Variants in VIRMA observed in about 807,000 individuals in gnomAD.
VIRMA encodes protein virilizer homolog.
Under a neutral mutation model 182.4 loss-of-function variants are expected in VIRMA, and 65 were observed. The ratio of observed to expected loss-of-function variants is 0.36; its 90% CI spans 0.29 to 0.44. The LOEUF (loss-of-function observed/expected upper bound fraction) is 0.44. Among genes scored for constraint, VIRMA ranks in the 20% least tolerant of loss-of-function variants. The pLI, the probability that VIRMA is intolerant of heterozygous loss-of-function variation, is 1.00. For synonymous variants in VIRMA, 709 were observed against 743.1 expected (o/e 0.95, Z 0.75); for missense variants, 1,752 against 2,158.1 (o/e 0.81, Z 3.73).
At chr8:94,538,854 T>C (rs1430397993) in intron 2 of VIRMA, among the ~76,000 whole-genome samples, 2 of 152,100 alleles carry the variant, frequency 1.3e-5, no homozygotes, top group African/African-American at 2.4e-5. Context: ...CCTCAGGAGA[T>C]TCACCCGTCT....
chr8:94,550,462 G>A (rs1815942857), intron 1 of VIRMA, among the ~76,000 whole-genome samples: 1 of 151,696 alleles, frequency 6.6e-6, no homozygotes, highest in African/African-American at 2.4e-5. Context: ...TCGGCTATTT[G>A]TTTGTATTTT....
rs1814616628 is a variant in VIRMA, at chr8:94,517,880, A to G, written c.2576T>C (p.Val859Ala). ...CATTTGAACATCACTGGAAGACTGAACCACCACCAAAATAAGTATGCATGC... is the reference window on the plus strand; with the variant it reads ...CATTTGAACATCACTGGAAGACTGAGCCACCACCAAAATAAGTATGCATGC... ...NYACILILVV[V>A]QSSSDVQMLE... The change falls in exon 10 of 24, where the codon GTT becomes GCT. Residue 859 changes from valine to alanine, a missense_variant. Val to Ala is a moderately conservative substitution (Grantham distance 64). Around this residue, in one of 11 missense-constraint regions of VIRMA, gnomAD observed 777 missense variants for 920.6 expected, o/e 0.84. Transcript: ENST00000297591. 2 of 1,612,258 alleles carry G rather than the reference A, an allele frequency of 1.2e-6. No individual in the cohort carries two copies. Among genetic ancestry groups the G allele is most frequent in the Non-Finnish European group, 1.7e-6 (2 of 1,178,450 alleles).
In VIRMA at chr8:94,538,485, A is replaced by G. The variant is rs915822632; in HGVS notation, c.180-139T>C. 19 of 582,386 alleles carry G rather than the reference A, an allele frequency of 3.3e-5. No homozygotes were observed. The African/African-American group carries it at 3.4e-4, about 10-fold the overall frequency. 36.1% of individuals were successfully genotyped at this position (582,386 alleles called of 1,614,324 possible). A position where few individuals can be genotyped will look rare whatever the true frequency, so the allele number is the denominator to read the frequency against. ...TTCCTAAGATTTAAATAACAAAAAT[A>G]TAGTTAACTATGATATTGTATGTAA... is the stretch of plus-strand genomic sequence containing the variant. On this transcript the variant is annotated intron_variant, in intron 2 of 23. Coordinates refer to ENST00000297591, the MANE Select transcript of VIRMA (RefSeq NM_015496.5).
At chr8:94,509,660 A>G in intron 15 of VIRMA, 28 bp downstream of exon 15, 1 of 1,590,638 alleles carries the variant, frequency 6.3e-7, no homozygotes, top group South Asian at 1.2e-5. Flanking sequence ...ACATGCAGAG[A>G]GAGACTTTAT....
intron 17 of VIRMA, chr8:94,497,828 T>C (rs3133638): frequency 0.12 from 18,297 of 152,682 alleles, 1,595 homozygotes; most frequent in African/African-American, 0.24. Context: ...CTGGGCAACA[T>C]GGCAAAATCC....
At chr8:94,500,250 T>A (rs1357966526) in intron 16 of VIRMA, among the ~76,000 whole-genome samples, 1 of 151,596 alleles carries the variant, frequency 6.6e-6, no homozygotes, top group Non-Finnish European at 1.5e-5. Flanking sequence ...ATATAAAAAA[T>A]TTGCCAGGCG....
intron 1 of VIRMA, chr8:94,546,682 C>T: frequency 3.2e-6 from 1 of 308,632 alleles, no homozygotes; most frequent in Non-Finnish European, 6.4e-6. Flanking sequence ...TGCACTGTAC[C>T]CAATATGTAG....
intron 1 of VIRMA, among the ~76,000 whole-genome samples, 177 bp from the exon 2 acceptor site, chr8:94,544,119 T>C (rs928889794): frequency 1.3e-5 from 2 of 152,208 alleles, no homozygotes; most frequent in African/African-American, 4.8e-5. Flanking sequence ...TGTACTTACT[T>C]AAGTTTCTCA....
At chr8:94,504,798 G>A (rs1814100519) in intron 16 of VIRMA, among the ~76,000 whole-genome samples, 1 of 152,152 alleles carries the variant, frequency 6.6e-6, no homozygotes, top group Non-Finnish European at 1.5e-5. Flanking sequence ...AGATAGTCAA[G>A]TAGAAATGTC....
At chr8:94,524,258 CAA>C (rs879412778) in intron 8 of VIRMA, among the ~76,000 whole-genome samples, 6 of 151,968 alleles carry the variant, frequency 3.9e-5, no homozygotes, top group Non-Finnish European at 8.8e-5. Context: ...CTTGGCGTCC[CAA>C]AGTGCTGGGA....
intron 17 of VIRMA, chr8:94,498,475 T>A (rs1813864241): frequency 6.6e-6 from 1 of 152,198 alleles, no homozygotes; most frequent in Non-Finnish European, 1.5e-5. Context: ...CTCAATGTCA[T>A]AAATTTTTTT....
rs1813647200 is a variant in VIRMA at position 94,492,796 on chromosome 8, A to C, written c.4664T>G (p.Leu1555Arg). Residue 1555 changes from leucine (L) to arginine (R), a missense_variant, in exon 21 of 24, where the codon CTC becomes CGC. Around this residue, in one of 11 missense-constraint regions of VIRMA, gnomAD observed 777 missense variants for 920.6 expected, o/e 0.84. Transcript: ENST00000297591. ...AAAGTCACTACAGCATTTTTCAGAGAGTTCAATTAAGTCAACCTTTACCTG... is the reference window on the plus strand; with the variant it reads ...AAAGTCACTACAGCATTTTTCAGAGCGTTCAATTAAGTCAACCTTTACCTG... ...LDLVKVDLIE[L>R]SEKCCSDFDL... The C allele has an allele frequency of 6.2e-7, 1 of 1,613,282 alleles. No individual in the cohort carries two copies. The highest frequency in any genetic ancestry group is 8.5e-7 in the Non-Finnish European group (1 of 1,179,578).
At chr8:94,541,384 G>A (rs3102869) in intron 2 of VIRMA, among the ~76,000 whole-genome samples, 18,239 of 151,858 alleles carry the variant, frequency 0.12, 1,597 homozygotes, top group African/African-American at 0.24. Flanking sequence ...AGAGGCCTGA[G>A]CCACCACACC....
At chr8:94,518,489 T>C (rs1361471288) in intron 9 of VIRMA, among the ~76,000 whole-genome samples, 2 of 152,216 alleles carry the variant, frequency 1.3e-5, no homozygotes, top group Non-Finnish European at 2.9e-5. Flanking sequence ...TTGTGTGACA[T>C]GAACCAGAAA....
At chr8:94,489,148 T>TAA (rs777406289) in intron 23 of VIRMA, among the ~76,000 whole-genome samples, 5 of 151,254 alleles carry the variant, frequency 3.3e-5, no homozygotes, top group Non-Finnish European at 5.9e-5. Context: ...ATAAATGTTT[T>TAA]AAAAAAAAAG....
At position 94,495,558 on chromosome 8, in the gene VIRMA, A is replaced by T. The variant is rs981375822; in HGVS notation, c.4544+173T>A. Among the ~76,000 whole-genome samples, 189 of 57,466 alleles carry T rather than the reference A, an allele frequency of 3.3e-3. 1 individual carries two copies. Among genetic ancestry groups the T allele is most frequent in the African/African-American group, 0.011 (175 of 16,230 alleles). 37.7% of individuals were successfully genotyped at this position (57,466 alleles called of 152,430 possible). ...CAAGCTAGCATAGTTTGTATAAATT[A>T]AAAAAAAAAAAAAAAAACTAAAGAA... On this transcript the variant is annotated intron_variant, in intron 19 of 23. Coordinates refer to ENST00000297591, the MANE Select transcript of VIRMA (RefSeq NM_015496.5).
At chr8:94,495,009 A>AT (rs112365062) in intron 19 of VIRMA, 53 bp from the exon 20 acceptor site, 231,777 of 956,720 alleles carry the variant, frequency 0.24, 4,831 homozygotes, top group South Asian at 0.35. Flanking sequence ...TCAAATTTCA[A>AT]TTTTTTTTTT....
intron 23 of VIRMA, 102 bp downstream of exon 23, chr8:94,489,837 G>C: frequency 1.6e-6 from 2 of 1,279,646 alleles, no homozygotes; most frequent in Non-Finnish European, 1.1e-6. Flanking sequence ...AAGGAGATGG[G>C]GAGATTAGCA....
At chr8:94,490,654 C>A (rs769176306) in intron 22 of VIRMA, among the ~76,000 whole-genome samples, 6 of 151,868 alleles carry the variant, frequency 4.0e-5, no homozygotes, top group Non-Finnish European at 8.8e-5. Context: ...CGAGACCAGC[C>A]CGGCCAACAT....
Sources: gnomAD v4.1 joint callset for allele counts (sites outside exome capture counted in the v4.1 genomes callset) on GRCh38, gnomAD v4.1.1 for gene constraint, gnomAD v4.1.1 regional missense constraint, MANE v1.5 for transcripts, NCBI Gene and HGNC (gene_info 2026-07-23, HGNC 2026-07-21) for gene names.